RASA2: variants seen among roughly 807,000 people sequenced by gnomAD.
RASA2 encodes ras GTPase-activating protein 2.
RASA2 carries 155 observed loss-of-function variants against 118.2 expected under a neutral mutation model. That is an observed-to-expected ratio of 1.31 (90% confidence interval 1.15 to 1.50). The LOEUF (loss-of-function observed/expected upper bound fraction) is 1.50, where lower values mean the gene tolerates loss of function less well. Ranked by LOEUF, RASA2 falls within the 40% of genes most tolerant of loss-of-function variation. The pLI is 0.00. For synonymous variants in RASA2, 353 were observed against 349.1 expected, an observed-to-expected ratio of 1.01 and a Z score of -0.12; for missense variants, 1,016 against 1,009.6, an observed-to-expected ratio of 1.01 and a Z score of -0.09.
At chr3:141,555,246 G>A (rs1258790094) in intron 6 of RASA2, among the ~76,000 whole-genome samples, 1 of 151,700 alleles carries the variant, frequency 6.6e-6, no homozygotes, top group South Asian at 2.1e-4. Context: ...CCTGGGCAAC[G>A]AGCAAAACTC....
chr3:141,515,253 T>A lies in RASA2; in HGVS notation c.252-1075T>A, dbSNP rs578009001. ...TTAATTTTTTAAAAATAGCTTAATTTAAAAAAAAATTTTGAAGTAGCCTTT... is the reference window on the plus strand; with the variant it reads ...TTAATTTTTTAAAAATAGCTTAATTAAAAAAAAAATTTTGAAGTAGCCTTT... On this transcript the variant is annotated intron_variant, in intron 2 of 23. Transcript: ENST00000286364. Among the ~76,000 whole-genome samples the A allele has an allele frequency of 2.6e-5, 4 of 152,036 alleles. No individual in the cohort carries two copies. The South Asian group carries it at 8.3e-4, about 32-fold the overall frequency.
At chr3:141,534,694 T>A (rs2151097850) in intron 4 of RASA2, among the ~76,000 whole-genome samples, 1 of 152,230 alleles carries the variant, frequency 6.6e-6, no homozygotes, top group Non-Finnish European at 1.5e-5. Context: ...TTTTAAAACA[T>A]GCCCTATTCA....
intron 1 of RASA2, among the ~76,000 whole-genome samples, chr3:141,496,932 T>C (rs1405062125): frequency 6.6e-6 from 1 of 152,066 alleles, no homozygotes; most frequent in African/African-American, 2.4e-5. Flanking sequence ...CCATCAGTGA[T>C]AGACTGGGTT....
At chr3:141,605,233 A>G (rs976606156) in intron 19 of RASA2, among the ~76,000 whole-genome samples, 6 of 152,104 alleles carry the variant, frequency 3.9e-5, no homozygotes, top group Non-Finnish European at 8.8e-5. Flanking sequence ...TCTTGGGGAC[A>G]TTTTTATGTG....
intron 9 of RASA2, among the ~76,000 whole-genome samples, chr3:141,562,313 T>A (rs2082741682): frequency 7.2e-6 from 1 of 139,354 alleles, no homozygotes; most frequent in South Asian, 2.3e-4. Context: ...GTCTCCTGTC[T>A]TCAGTTAAAA....
chr3:141,597,293 A>G (rs1045356709), intron 19 of RASA2, among the ~76,000 whole-genome samples: 2 of 152,214 alleles, frequency 1.3e-5, no homozygotes, highest in Admixed American at 1.3e-4. Flanking sequence ...CTACTGACAC[A>G]TGCTGCATCA....
chr3:141,544,378 A>G lies in RASA2; in HGVS notation c.527+3769A>G, dbSNP rs1004949095. 2.6e-4 allele frequency among the ~76,000 whole-genome samples: 39 copies of G among 152,256 alleles called. No homozygotes were observed. In the Middle Eastern group the frequency reaches 0.01, roughly 40 times the overall value. On this transcript the variant is annotated intron_variant, in intron 5 of 23. Coordinates refer to ENST00000286364, the MANE Select transcript of RASA2 (RefSeq NM_006506.5). Reference sequence around the variant, plus strand: ...CTTTCTCTTCTTCTTTCAGAACGCCAGTGGCACAAATGTTAGGTCTTTTTT... The same window carrying G: ...CTTTCTCTTCTTCTTTCAGAACGCCGGTGGCACAAATGTTAGGTCTTTTTT...
chr3:141,581,533 A>G (rs1398699892), intron 17 of RASA2, among the ~76,000 whole-genome samples: 1 of 152,106 alleles, frequency 6.6e-6, no homozygotes, highest in Non-Finnish European at 1.5e-5. Flanking sequence ...CCTGGCCTCT[A>G]CCCCTTAGAC....
chr3:141,566,194 T>C (rs980038439), intron 9 of RASA2, among the ~76,000 whole-genome samples: 1 of 152,236 alleles, frequency 6.6e-6, no homozygotes, highest in African/African-American at 2.4e-5. Flanking sequence ...AAATTATCAT[T>C]TTGATGATTA....
chr3:141,502,187 G>A (rs2081793475), intron 1 of RASA2, among the ~76,000 whole-genome samples: 1 of 152,056 alleles, frequency 6.6e-6, no homozygotes, highest in South Asian at 2.1e-4. Flanking sequence ...AGGGATATTC[G>A]ATCTGTATTA....
intron 3 of RASA2, among the ~76,000 whole-genome samples, chr3:141,519,108 C>A (rs1487393648): frequency 6.6e-6 from 1 of 152,104 alleles, no homozygotes; most frequent in African/African-American, 2.4e-5. Flanking sequence ...AATACTGAGT[C>A]AAGGGGTATG....
At chr3:141,500,331 C>T (rs2151072209) in intron 1 of RASA2, among the ~76,000 whole-genome samples, 1 of 152,274 alleles carries the variant, frequency 6.6e-6, no homozygotes, top group East Asian at 1.9e-4. Flanking sequence ...CAGTTCTTCT[C>T]TTCCTTTCTC....
intron 17 of RASA2, among the ~76,000 whole-genome samples, chr3:141,583,800 C>CT (rs2083155017): frequency 6.6e-6 from 1 of 152,180 alleles, no homozygotes; most frequent in Non-Finnish European, 1.5e-5. Flanking sequence ...AGCCTCAATA[C>CT]TATCCTTATT....
At position 141,551,390 on chromosome 3, in the gene RASA2, A is replaced by G. The variant is rs145305729; in HGVS notation, c.528-2467A>G. On this transcript the variant is annotated intron_variant, in intron 5 of 23. Coordinates refer to ENST00000286364, the MANE Select transcript of RASA2 (RefSeq NM_006506.5). ...TAGCCATGTGTGGGTTTTAGGAACT[A>G]TTGCCTCTATTCTTTTCAAATGGTT... Among the ~76,000 whole-genome samples, 220 of 152,268 alleles carry G rather than the reference A, an allele frequency of 1.4e-3. 7 individuals are homozygous for G. In the East Asian group the frequency reaches 0.025, roughly 17 times the overall value.
At chr3:141,498,747 A>G (rs907578346) in intron 1 of RASA2, among the ~76,000 whole-genome samples, 2 of 152,128 alleles carry the variant, frequency 1.3e-5, no homozygotes, top group Non-Finnish European at 2.9e-5. Flanking sequence ...TAGCCTGTCC[A>G]TGTAGCCCTG....
At chr3:141,574,356 A>AT (rs1171144767) in intron 14 of RASA2, among the ~76,000 whole-genome samples, 1 of 151,450 alleles carries the variant, frequency 6.6e-6, no homozygotes, top group Non-Finnish European at 1.5e-5. Context: ...TGCCCAGCTA[A>AT]TTTTTTATAT....
At position 141,592,582 on chromosome 3, in the gene RASA2, A is replaced by T. The variant is rs964166452; in HGVS notation, c.1933+5830A>T. On this transcript the variant is annotated intron_variant, in intron 19 of 23. Coordinates refer to ENST00000286364, the MANE Select transcript of RASA2 (RefSeq NM_006506.5). ...GTTACATGGAGAATGAATGAAGGGC[A>T]CAAGGAGAGCAGTTAAGAGACTACT... 2.1e-4 allele frequency among the ~76,000 whole-genome samples: 32 copies of T among 152,194 alleles called. 1 individual carries two copies. The highest frequency in any genetic ancestry group is 7.2e-4 in the African/African-American group (30 of 41,450).
intron 17 of RASA2, among the ~76,000 whole-genome samples, chr3:141,585,732 A>G (rs1179965829): frequency 6.6e-6 from 1 of 152,152 alleles, no homozygotes; most frequent in Non-Finnish European, 1.5e-5. Flanking sequence ...CCCAGGAAGG[A>G]GAGGTTGCAG....
intron 19 of RASA2, among the ~76,000 whole-genome samples, chr3:141,599,700 C>T (rs958404156): frequency 4.6e-5 from 7 of 152,076 alleles, no homozygotes; most frequent in Non-Finnish European, 8.8e-5. Context: ...ATATACATGA[C>T]CTCCTTATGT....
Sources: allele counts gnomAD v4.1 joint callset (sites outside exome capture counted in the v4.1 genomes callset), GRCh38; gene constraint gnomAD v4.1.1; transcripts MANE v1.5; gene names NCBI Gene and HGNC (gene_info 2026-07-23, HGNC 2026-07-21).